KAT7: variants seen among roughly 807,000 people sequenced by gnomAD.
KAT7 encodes the protein lysine acetyltransferase 7.
A neutral mutation model predicts 82.1 loss-of-function variants in KAT7; 10 were observed. The observed-to-expected ratio is 0.12, with a 90% CI of 0.08 to 0.21. The LOEUF (loss-of-function observed/expected upper bound fraction) is 0.21, where lower values mean the gene tolerates loss of function less well. Ranked by LOEUF, KAT7 falls within the 10% of genes least tolerant of loss-of-function variation. The pLI, the probability that KAT7 is intolerant of heterozygous loss-of-function variation, is 1.00. For synonymous variants in KAT7, 250 were observed against 262.5 expected (o/e 0.95, Z 0.46); for missense variants, 378 against 760.9 (o/e 0.50, Z 5.92).
At position 49,831,556 on chromosome 17, in the gene KAT7, C is replaced by T. The variant is rs1167756793; in HGVS notation, c.*4054C>T. ...ATAGCAATAGAATGAGAGAGCCTTG[C>T]TTCCCTGAGTCCAAATCCCATACTT... On this transcript the variant is annotated 3_prime_UTR_variant, in exon 15 of 15. Coordinates refer to ENST00000259021, the MANE Select transcript of KAT7 (RefSeq NM_007067.5). 1 of 152,180 alleles carries T rather than the reference C, an allele frequency of 6.6e-6. No homozygotes were observed. Among genetic ancestry groups the T allele is most frequent in the Non-Finnish European group, 1.5e-5 (1 of 68,044 alleles). 9.4% of individuals were successfully genotyped at this position (152,180 alleles called of 1,614,324 possible). A position where few individuals can be genotyped will look rare whatever the true frequency, so the allele number is the denominator to read the frequency against.
rs139647953 is a variant in KAT7 at position 49,822,587 on chromosome 17, A to G, written c.1387-615A>G. ...ACAACTTTATTGAAATATAATTCAT[A>G]TACCATAAATTCACGCACTGAAAGG... On this transcript the variant is annotated intron_variant, in intron 11 of 14. Coordinates refer to ENST00000259021, the MANE Select transcript of KAT7 (RefSeq NM_007067.5). Among the ~76,000 whole-genome samples the G allele has an allele frequency of 3.7e-3, 571 of 152,276 alleles. 4 individuals are homozygous for G. Among genetic ancestry groups the G allele is most frequent in the African/African-American group, 0.012 (504 of 41,540 alleles).
chr17:49,815,758 A>C, intron 7 of KAT7, 45 bp from the exon 8 acceptor site: 1 of 1,152,452 alleles, frequency 8.7e-7, no homozygotes, highest in South Asian at 1.2e-5. Flanking sequence ...AAAAGTTCTT[A>C]GAAGCAGAGA....
At chr17:49,814,035 G>A (rs1022402349) in intron 7 of KAT7, among the ~76,000 whole-genome samples, 1 of 152,024 alleles carries the variant, frequency 6.6e-6, no homozygotes, top group Admixed American at 6.6e-5. Context: ...GGAATAATAG[G>A]TGTGGGCCAC....
At chr17:49,793,720 A>C (rs1287266293) in intron 2 of KAT7, among the ~76,000 whole-genome samples, 1 of 151,846 alleles carries the variant, frequency 6.6e-6, no homozygotes, top group African/African-American at 2.4e-5. Flanking sequence ...CTACAGGTGC[A>C]CGCCACCGTG....
chr17:49,791,491 C>G (rs1244866896), intron 1 of KAT7, among the ~76,000 whole-genome samples: 1 of 152,128 alleles, frequency 6.6e-6, no homozygotes, highest in East Asian at 1.9e-4. Flanking sequence ...AACCCCGTCT[C>G]TACTAAAAAT....
chr17:49,823,327 A>ATGGTCCCTGCCTTG, intron 12 of KAT7, 32 bp downstream of exon 12: 1 of 1,130,170 alleles, frequency 8.8e-7, no homozygotes, highest in Non-Finnish European at 1.3e-6. Context: ...TTAGTTCCAC[A>ATGGTCCCTGCCTTG]AGGCAGGGAC....
At chr17:49,799,337 T>G (rs1260581644) in intron 4 of KAT7, among the ~76,000 whole-genome samples, 2 of 152,154 alleles carry the variant, frequency 1.3e-5, no homozygotes, top group African/African-American at 4.8e-5. Flanking sequence ...ACAGAGTAAA[T>G]TGCTGCTTGG....
At chr17:49,818,611 A>G (rs924688322) in intron 9 of KAT7, among the ~76,000 whole-genome samples, 2 of 152,198 alleles carry the variant, frequency 1.3e-5, no homozygotes, top group African/African-American at 2.4e-5. Context: ...CAGCTTCAAA[A>G]AAAAAGCCAT....
chr17:49,818,122 G>A (rs2074256376), intron 9 of KAT7, 111 bp downstream of exon 9: 2 of 778,998 alleles, frequency 2.6e-6, no homozygotes, highest in South Asian at 3.5e-5. Context: ...GTGGTCCTCA[G>A]CAGTGGGATG....
chr17:49,806,675 C>G lies in KAT7; in HGVS notation c.663+1230C>G, dbSNP rs542247865. Among the ~76,000 whole-genome samples the G allele has an allele frequency of 9.0e-4, 137 of 152,208 alleles. 1 individual carries two copies. The highest frequency in any genetic ancestry group is 9.6e-4 in the Non-Finnish European group (65 of 68,036). On this transcript the variant is annotated intron_variant, in intron 5 of 14. Coordinates refer to ENST00000259021, the MANE Select transcript of KAT7 (RefSeq NM_007067.5). ...ACTATGGATGGTTTTACATAAAAAT[C>G]TTCCTGAGATGTCTTTTGCTTTTGA...
intron 1 of KAT7, 195 bp downstream of exon 1, chr17:49,789,044 A>G (rs183269736): frequency 3.2e-5 from 14 of 438,774 alleles, no homozygotes; most frequent in African/African-American, 2.5e-4. Flanking sequence ...GCTTGCAACT[A>G]TTCCCGCCCT....
Position 49,827,389 on chromosome 17 carries a change from G to T in KAT7, c.1735-12G>T, listed in dbSNP as rs550425458. 6.5e-6 allele frequency: 10 copies of T among 1,533,348 alleles called. No homozygotes were observed. In the African/African-American group the frequency reaches 1.1e-4, roughly 17 times the overall value. The allele number at this position is 1,533,348 out of a possible 1,614,324, so 95.0% of individuals were successfully genotyped here. Reference sequence around the variant, plus strand: ...AAAGTATGTAATCCTTTTTCCCATTGTTCTCCCTCAGGACCTGATTGATGA... The same window carrying T: ...AAAGTATGTAATCCTTTTTCCCATTTTTCTCCCTCAGGACCTGATTGATGA... On this transcript the variant is annotated splice_polypyrimidine_tract_variant and intron_variant, in intron 14 of 14. Coordinates refer to ENST00000259021, the MANE Select transcript of KAT7 (RefSeq NM_007067.5).
At chr17:49,802,686 C>A (rs934388923) in intron 4 of KAT7, among the ~76,000 whole-genome samples, 1 of 150,852 alleles carries the variant, frequency 6.6e-6, no homozygotes, top group South Asian at 2.1e-4. Flanking sequence ...AAAAAAAAGA[C>A]GTATGGATAC....
intron 4 of KAT7, among the ~76,000 whole-genome samples, chr17:49,802,669 C>CA (rs753218485): frequency 0.04 from 4,709 of 116,294 alleles, 226 homozygotes; most frequent in African/African-American, 0.13. Context: ...AACTCCATCT[C>CA]AAAAAAAAAA....
At chr17:49,807,245 C>T (rs1334962976) in intron 5 of KAT7, among the ~76,000 whole-genome samples, 2 of 152,054 alleles carry the variant, frequency 1.3e-5, no homozygotes, top group African/African-American at 4.8e-5. Context: ...GAAAAAAAGA[C>T]GAATGATATA....
intron 2 of KAT7, chr17:49,795,729 T>G (rs1288347313): frequency 4.4e-6 from 1 of 227,262 alleles, no homozygotes. Flanking sequence ...TATTTTTTCC[T>G]TTGGTTTTTA....
At chr17:49,812,712 CAG>C (rs1328636878) in intron 7 of KAT7, among the ~76,000 whole-genome samples, 29 of 152,024 alleles carry the variant, frequency 1.9e-4, no homozygotes, top group African/African-American at 6.3e-4. Context: ...CTTTTTGAGA[CAG>C]AGTCTTGCTC....
At chr17:49,790,589 G>A (rs1412973819) in intron 1 of KAT7, among the ~76,000 whole-genome samples, 2 of 152,100 alleles carry the variant, frequency 1.3e-5, no homozygotes, top group African/African-American at 2.4e-5. Flanking sequence ...CCCAAATACC[G>A]GGAGTTACTT....
chr17:49,811,656 C>A, intron 7 of KAT7, 82 bp downstream of exon 7: 1 of 644,428 alleles, frequency 1.6e-6, no homozygotes, highest in Non-Finnish European at 2.4e-6. Context: ...TTCTGCCTTT[C>A]AGATTTGCCA....
Sources: gnomAD v4.1 joint callset for allele counts (sites outside exome capture counted in the v4.1 genomes callset) on GRCh38, gnomAD v4.1.1 for gene constraint, MANE v1.5 for transcripts, NCBI Gene and HGNC (gene_info 2026-07-23, HGNC 2026-07-21) for gene names.